The following RAB40C variants were observed in gnomAD, a reference collection of about 807,000 sequenced individuals.
The protein encoded by RAB40C is ras-related protein Rab-40C.
Under a neutral mutation model 28.1 loss-of-function variants are expected in RAB40C, and 8 were observed. The ratio of observed to expected loss-of-function variants is 0.28; its 90% CI spans 0.17 to 0.51. The LOEUF (loss-of-function observed/expected upper bound fraction) is 0.51. Among genes scored for constraint, RAB40C ranks in the 20% least tolerant of loss-of-function variants. The pLI, the probability that RAB40C is intolerant of heterozygous loss-of-function variation, is 0.97. For synonymous variants in RAB40C, 201 were observed against 171.7 expected, an observed-to-expected ratio of 1.17 and a Z score of -1.34; for missense variants, 288 against 405.9, an observed-to-expected ratio of 0.71 and a Z score of 2.50.
intron 3 of RAB40C, among the ~76,000 whole-genome samples, chr16:621,653 C>T (rs185825422): frequency 1.5e-3 from 222 of 152,356 alleles, no homozygotes; most frequent in Non-Finnish European, 2.5e-3. Flanking sequence ...CCACAACCCG[C>T]TGGTGGGATG....
At chr16:624,190 C>A (rs546533700) in intron 3 of RAB40C, 3 of 985,084 alleles carry the variant, frequency 3.0e-6, no homozygotes, top group South Asian at 9.4e-5. Flanking sequence ...GCTTGCCATG[C>A]GGGAGGTTGC....
intron 3 of RAB40C, among the ~76,000 whole-genome samples, chr16:622,395 G>A (rs1315337098): frequency 6.6e-6 from 1 of 151,584 alleles, no homozygotes; most frequent in East Asian, 1.9e-4. Context: ...GGCATGAGCG[G>A]CACCGTGGAC....
chr16:601,501 G>A (rs1567185901), intron 1 of RAB40C, among the ~76,000 whole-genome samples: 1 of 152,084 alleles, frequency 6.6e-6, no homozygotes. Flanking sequence ...CTCCGGGCAG[G>A]TCCCCGCCGC....
In RAB40C at chr16:627,775, AGG is replaced by A. The variant is rs2036872884; in HGVS notation, c.*154_*155del. 2 of 1,012,422 alleles carry A rather than the reference AGG, an allele frequency of 2.0e-6. No individual in the cohort carries two copies. The highest frequency in any genetic ancestry group is 1.4e-6 in the Non-Finnish European group (1 of 727,646). 62.7% of individuals were successfully genotyped at this position (1,012,422 alleles called of 1,614,324 possible). A position where few individuals can be genotyped will look rare whatever the true frequency, so the allele number is the denominator to read the frequency against. ...CCTCACACCTGAGCCGGGTGCGAGGAGGAGCATGCACGGACCAAGCGCGGCAG... is the reference window on the plus strand; with the variant it reads ...CCTCACACCTGAGCCGGGTGCGAGGAAGCATGCACGGACCAAGCGCGGCAG... On this transcript the variant is annotated 3_prime_UTR_variant, in exon 6 of 6. Coordinates refer to ENST00000248139, the MANE Select transcript of RAB40C (RefSeq NM_021168.5).
chr16:619,146 G>C (rs1229032512), intron 3 of RAB40C, among the ~76,000 whole-genome samples: 1 of 147,992 alleles, frequency 6.8e-6, no homozygotes, highest in African/African-American at 2.5e-5. Context: ...TGTGTGCTCA[G>C]GTGTGGTGTA....
intron 1 of RAB40C, among the ~76,000 whole-genome samples, chr16:594,271 T>C (rs1300331181): frequency 1.3e-5 from 2 of 152,334 alleles, no homozygotes; most frequent in South Asian, 2.1e-4. Context: ...TCTGCTCTTT[T>C]GGGGTTCAGT....
upstream of RAB40C, chr16:589,744 A>T (rs533633339): frequency 6.6e-6 from 1 of 152,266 alleles, no homozygotes; most frequent in Admixed American, 6.5e-5. Flanking sequence ...GTTCCGGGAA[A>T]GCAGGAGGCG....
chr16:591,217 T>C (rs1312055778), intron 1 of RAB40C, among the ~76,000 whole-genome samples: 1 of 132,694 alleles, frequency 7.5e-6, no homozygotes, highest in Non-Finnish European at 1.6e-5. Flanking sequence ...GTCTGGGATC[T>C]CAGGGGAAGG....
intron 1 of RAB40C, among the ~76,000 whole-genome samples, chr16:590,747 C>A (rs1376106957): frequency 1.3e-5 from 2 of 150,684 alleles, no homozygotes; most frequent in Non-Finnish European, 3.0e-5. Flanking sequence ...ATCTGGAGCC[C>A]AGGGGAAGGT....
intron 3 of RAB40C, among the ~76,000 whole-genome samples, chr16:622,632 C>G (rs185609443): frequency 6.6e-6 from 1 of 152,146 alleles, no homozygotes; most frequent in Non-Finnish European, 1.5e-5. Flanking sequence ...CTCAGGCTCC[C>G]GAGTAGCTAG....
intron 1 of RAB40C, among the ~76,000 whole-genome samples, chr16:599,091 A>G (rs1472362093): frequency 1.3e-5 from 2 of 152,262 alleles, no homozygotes; most frequent in Non-Finnish European, 2.9e-5. Flanking sequence ...ATCAGGATTC[A>G]GGACTCTGAA....
At chr16:607,501 CA>C (rs536655116) in intron 1 of RAB40C, among the ~76,000 whole-genome samples, 7,894 of 100,966 alleles carry the variant, frequency 0.078, 730 homozygotes, top group African/African-American at 0.25. Context: ...GAAACTGTCT[CA>C]AAAAAAAAAA....
intron 2 of RAB40C, 28 bp downstream of exon 2, chr16:617,296 C>T: frequency 6.2e-7 from 1 of 1,613,218 alleles, no homozygotes; most frequent in Non-Finnish European, 8.5e-7. Flanking sequence ...CACTTCAGTT[C>T]CTGGGTGAGG....
intron 1 of RAB40C, among the ~76,000 whole-genome samples, chr16:615,371 GACAC>G (rs2036565917): frequency 6.6e-6 from 1 of 152,206 alleles, no homozygotes; most frequent in Non-Finnish European, 1.5e-5. Context: ...GATGTGCACA[GACAC>G]ACACACAAGC....
In RAB40C at chr16:626,075, C is replaced by T. The variant is rs756816738; in HGVS notation, c.519C>T (p.Ile173=). ...AGTCCTTCACGGAGCTATCCCGCAT[C>T]GTGCTCATGCGGCACGGCATGGAGA... ...VIESFTELSR[I]VLMRHGMEKI... The change falls in exon 5 of 6, where the codon ATC becomes ATT. Residue 173 remains isoleucine (I), a synonymous_variant. Coordinates refer to ENST00000248139, the MANE Select transcript of RAB40C (RefSeq NM_021168.5). The T allele has an allele frequency of 1.2e-5, 19 of 1,613,178 alleles. No individual in the cohort carries two copies. The highest frequency in any genetic ancestry group is 8.3e-5 in the Admixed American group (5 of 60,006).
intron 5 of RAB40C, among the ~76,000 whole-genome samples, chr16:627,119 C>G (rs912496639): frequency 6.6e-6 from 1 of 152,218 alleles, no homozygotes; most frequent in African/African-American, 2.4e-5. Context: ...GCAGCACCGC[C>G]CAGCGTGCCT....
intron 4 of RAB40C, 54 bp downstream of exon 4, chr16:625,563 C>A: frequency 6.4e-7 from 1 of 1,564,134 alleles, no homozygotes; most frequent in Non-Finnish European, 8.8e-7. Context: ...ATGGAGGTAC[C>A]TGGGCCCCGG....
chr16:610,317 G>A lies in RAB40C; in HGVS notation c.143-6891G>A, dbSNP rs1057150301. The stretch of plus-strand genomic sequence containing the variant: ...GTGTTCAGGTCGGCTGAGAGGCAGC[G>A]CCTGGCTGGGGCTAGATGAACAAGA... On this transcript the variant is annotated intron_variant, in intron 1 of 5. Transcript: ENST00000248139. This position sits in a 1 kb window ranked among gnomAD's most constrained non-coding sequence, Gnocchi z 4.6. Among the ~76,000 whole-genome samples the A allele has an allele frequency of 6.6e-6, 1 of 151,960 alleles. No homozygotes were observed. Among genetic ancestry groups the A allele is most frequent in the African/African-American group, 2.4e-5 (1 of 41,348 alleles).
intron 1 of RAB40C, among the ~76,000 whole-genome samples, chr16:607,999 C>T (rs756033863): frequency 1.3e-5 from 2 of 149,672 alleles, no homozygotes; most frequent in Admixed American, 6.7e-5. Flanking sequence ...GTGCTGTGCC[C>T]GTCCCCACCT....
Sources: allele counts gnomAD v4.1 joint callset (sites outside exome capture counted in the v4.1 genomes callset), GRCh38; gene constraint gnomAD v4.1.1; non-coding constraint Gnocchi (gnomAD v3.1); transcripts MANE v1.5; gene names NCBI Gene and HGNC (gene_info 2026-07-23, HGNC 2026-07-21).